ZNF90: variants seen among roughly 807,000 people sequenced by gnomAD.
ZNF90 encodes zinc finger protein 90.
ZNF90 carries 11 observed loss-of-function variants against 12.0 expected under a neutral mutation model. That is an observed-to-expected ratio of 0.92 (90% CI 0.58 to 1.52). The LOEUF (loss-of-function observed/expected upper bound fraction) is 1.52. Among genes scored for constraint, ZNF90 ranks in the 40% most tolerant of loss-of-function variants. The pLI is 0.00. For synonymous variants in ZNF90, 232 were observed against 240.1 expected, an observed-to-expected ratio of 0.97 and a Z score of 0.31; for missense variants, 765 against 711.5, an observed-to-expected ratio of 1.08 and a Z score of -0.86.
At chr19:20,116,751 G>C (rs1308635930) in intron 3 of ZNF90, among the ~76,000 whole-genome samples, 1 of 151,958 alleles carries the variant, frequency 6.6e-6, no homozygotes, top group African/African-American at 2.4e-5. Flanking sequence ...TAGTTAAATG[G>C]CTTATTTTTT....
chr19:20,089,317 A>G (rs1555702470), intron 1 of ZNF90, among the ~76,000 whole-genome samples: 1 of 152,158 alleles, frequency 6.6e-6, no homozygotes, highest in African/African-American at 2.4e-5. Flanking sequence ...CTGACGAGCA[A>G]GGGGAAGGTA....
intron 3 of ZNF90, among the ~76,000 whole-genome samples, chr19:20,115,534 A>G (rs2089129821): frequency 6.6e-6 from 1 of 151,510 alleles, no homozygotes; most frequent in Non-Finnish European, 1.5e-5. Flanking sequence ...AAAAGATCCA[A>G]CAATATATTT....
chr19:20,112,156 C>T lies in ZNF90; in HGVS notation c.227-5625C>T, dbSNP rs546898373. Among the ~76,000 whole-genome samples the T allele has an allele frequency of 2.6e-5, 4 of 151,522 alleles. No individual in the cohort carries two copies. The East Asian group carries it at 7.8e-4, about 30-fold the overall frequency. On this transcript the variant is annotated intron_variant, in intron 3 of 3. Coordinates refer to ENST00000418063, the MANE Select transcript of ZNF90 (RefSeq NM_007138.2). ...ACAGGCATGAGCCGATGTGCCCAGT[C>T]GATTTATTCAGATTCACATATTGTT...
intron 1 of ZNF90, among the ~76,000 whole-genome samples, chr19:20,082,127 T>TA (rs2122470937): frequency 6.6e-6 from 1 of 152,186 alleles, no homozygotes; most frequent in East Asian, 1.9e-4. Flanking sequence ...GTTATACAGC[T>TA]AAAATTATGT....
At position 20,096,007 on chromosome 19, in the gene ZNF90, G is replaced by A. The variant is rs1433633738; in HGVS notation, c.4-8232G>A. On this transcript the variant is annotated intron_variant, in intron 1 of 3. Coordinates refer to ENST00000418063, the MANE Select transcript of ZNF90 (RefSeq NM_007138.2). Reference sequence around the variant, plus strand: ...CAAGGGAAGGCTGCCTTCCCAGTCCGTGACCGGTGCCGGAGTTTTGGGTCC... The same window carrying A: ...CAAGGGAAGGCTGCCTTCCCAGTCCATGACCGGTGCCGGAGTTTTGGGTCC... 2.6e-5 allele frequency among the ~76,000 whole-genome samples: 4 copies of A among 151,600 alleles called. No homozygotes were observed. In the East Asian group the frequency reaches 7.8e-4, roughly 29 times the overall value.
chr19:20,100,481 G>C (rs1277635969), intron 1 of ZNF90, among the ~76,000 whole-genome samples: 1 of 152,130 alleles, frequency 6.6e-6, no homozygotes, highest in Non-Finnish European at 1.5e-5. Flanking sequence ...TCTTCAACTG[G>C]AGCCTCAGGT....
At position 20,121,003 on chromosome 19, in the gene ZNF90, A is replaced by G. The variant is rs1441154383; in HGVS notation, c.*1643A>G. The G allele has an allele frequency of 6.5e-6, 1 of 152,866 alleles. No individual in the cohort carries two copies. Among genetic ancestry groups the G allele is most frequent in the Non-Finnish European group, 1.5e-5 (1 of 68,412 alleles). 9.5% of individuals were successfully genotyped at this position (152,866 alleles called of 1,614,324 possible). A position where few individuals can be genotyped will look rare whatever the true frequency, so the allele number is the denominator to read the frequency against. ...ATGCATGATGAAAATATAAGTGGAC[A>G]GGCTGTTCGTATTTGACCTATATTA... is the stretch of plus-strand genomic sequence containing the variant. On this transcript the variant is annotated 3_prime_UTR_variant, in exon 4 of 4. Coordinates refer to ENST00000418063, the MANE Select transcript of ZNF90 (RefSeq NM_007138.2).
In ZNF90 at chr19:20,119,298, A is replaced by G; in HGVS notation, c.1744A>G (p.Thr582Ala). ...KAFNLSSDLN[T>A]HKRIHIGQKA... is the part of the protein sequence containing the mutation. ...TTTTAACTTGTCCTCAGACCTTAAT[A>G]CACATAAGAGGATTCATATTGGACA... Residue 582 changes from threonine (T) to alanine (A), a missense_variant, in exon 4 of 4, where the codon ACA becomes GCA. By Grantham distance (58) the Thr-to-Ala change is moderately conservative (BLOSUM62 0). Coordinates refer to ENST00000418063, the MANE Select transcript of ZNF90 (RefSeq NM_007138.2). 6.2e-7 allele frequency: 1 copy of G among 1,611,898 alleles called. No homozygotes were observed. Among genetic ancestry groups the G allele is most frequent in the Admixed American group, 1.7e-5 (1 of 59,574 alleles).
chr19:20,102,625 G>C (rs2060289607), intron 1 of ZNF90, among the ~76,000 whole-genome samples: 1 of 152,134 alleles, frequency 6.6e-6, no homozygotes, highest in Admixed American at 6.5e-5. Flanking sequence ...CTGAGCAATT[G>C]TTTCCAACAT....
chr19:20,093,222 C>G (rs2088916455), intron 1 of ZNF90, among the ~76,000 whole-genome samples: 1 of 152,230 alleles, frequency 6.6e-6, no homozygotes, highest in Admixed American at 6.5e-5. Context: ...AGATCCTGAA[C>G]TAATCTGTAA....
chr19:20,098,109 T>G (rs910814207), intron 1 of ZNF90, among the ~76,000 whole-genome samples: 7 of 152,234 alleles, frequency 4.6e-5, no homozygotes, highest in African/African-American at 1.4e-4. Context: ...GTCAGCTTTT[T>G]GTTTTTTTCA....
chr19:20,104,817 A>C (rs115013702), intron 2 of ZNF90, among the ~76,000 whole-genome samples: 2,511 of 152,282 alleles, frequency 0.016, 67 homozygotes, highest in African/African-American at 0.057. Context: ...CAACATAAAG[A>C]AACTCTGTCT....
At chr19:20,103,056 G>T (rs2089002720) in intron 1 of ZNF90, among the ~76,000 whole-genome samples, 1 of 152,194 alleles carries the variant, frequency 6.6e-6, no homozygotes, top group Admixed American at 6.5e-5. Context: ...GACAAAGTCT[G>T]ATGGACTCAA....
chr19:20,117,437 T>TTCCTTCCTTCCC (rs1555705812), intron 3 of ZNF90: 181 of 147,702 alleles, frequency 1.2e-3, no homozygotes, highest in African/African-American at 4.5e-3. Flanking sequence ...CCTTCCCTCC[T>TTCCTTCCTTCCC]TCCCTCCCTC....
chr19:20,112,872 G>A (rs116954357), intron 3 of ZNF90, among the ~76,000 whole-genome samples: 5,112 of 151,522 alleles, frequency 0.034, 132 homozygotes, highest in Non-Finnish European at 0.051. Flanking sequence ...TCTACTTGAC[G>A]GTATCCAATA....
At chr19:20,085,687 T>C (rs1555701962) in intron 1 of ZNF90, among the ~76,000 whole-genome samples, 1 of 152,242 alleles carries the variant, frequency 6.6e-6, no homozygotes, top group Admixed American at 6.5e-5. Flanking sequence ...TTCAAAACTC[T>C]TTGAAAACTT....
chr19:20,109,408 A>G (rs1471753194), intron 3 of ZNF90, among the ~76,000 whole-genome samples: 4 of 152,142 alleles, frequency 2.6e-5, no homozygotes, highest in Non-Finnish European at 5.9e-5. Flanking sequence ...TACTTTCACC[A>G]TGTGTTTAAT....
intron 1 of ZNF90, among the ~76,000 whole-genome samples, chr19:20,079,115 CAAAAA>C (rs139573879): frequency 5.8e-5 from 4 of 68,776 alleles, no homozygotes; most frequent in Non-Finnish European, 1.1e-4. Flanking sequence ...GGAGAGTCCT[CAAAAA>C]AAAAAAAAAA....
At chr19:20,098,913 C>T (rs893853531) in intron 1 of ZNF90, among the ~76,000 whole-genome samples, 1 of 152,132 alleles carries the variant, frequency 6.6e-6, no homozygotes, top group Non-Finnish European at 1.5e-5. Flanking sequence ...ACACGGAGAT[C>T]TGGAGACCCA....
Sources: allele counts gnomAD v4.1 joint callset (sites outside exome capture counted in the v4.1 genomes callset), GRCh38; gene constraint gnomAD v4.1.1; transcripts MANE v1.5; gene names NCBI Gene and HGNC (gene_info 2026-07-23, HGNC 2026-07-21).